The following SDHAF4 variants were observed in gnomAD, a reference collection of about 807,000 sequenced individuals.
The protein encoded by SDHAF4 is succinate dehydrogenase complex assembly factor 4.
Under a neutral mutation model 14.3 loss-of-function variants are expected in SDHAF4, and 14 were observed. The observed-to-expected ratio is 0.98, with a 90% CI of 0.65 to 1.53. The LOEUF (loss-of-function observed/expected upper bound fraction) is 1.53. Among genes scored for constraint, SDHAF4 ranks in the 40% most tolerant of loss-of-function variants. SDHAF4 has a pLI of 0.00. For synonymous variants in SDHAF4, 63 were observed against 47.3 expected (o/e 1.33, Z -1.36); for missense variants, 141 against 129.3 (o/e 1.09, Z -0.44).
chr6:70,593,132 C>G (rs1050796555), downstream of SDHAF4, among the ~76,000 whole-genome samples: 3 of 152,224 alleles, frequency 2.0e-5, no homozygotes, highest in African/African-American at 7.2e-5. Flanking sequence ...CCAAAAGGTC[C>G]AAGTTGTAAA....
intron 1 of SDHAF4, among the ~76,000 whole-genome samples, chr6:70,572,058 CTTTTTTTT>C (rs66688860): frequency 1.1e-4 from 6 of 53,506 alleles, no homozygotes; most frequent in Admixed American, 3.0e-4. Flanking sequence ...CTTTTTTTGT[CTTTTTTTT>C]TTTTTTTTTT....
chr6:70,574,028 A>G (rs1802219185), intron 1 of SDHAF4, among the ~76,000 whole-genome samples: 1 of 149,620 alleles, frequency 6.7e-6, no homozygotes, highest in Non-Finnish European at 1.5e-5. Context: ...ATGATGAAAA[A>G]TGATTAGGCT....
chr6:70,595,404 G>A, the SDHAF4 span, among the ~76,000 whole-genome samples: 1 of 152,190 alleles, frequency 6.6e-6, no homozygotes, highest in Non-Finnish European at 1.5e-5. Flanking sequence ...TAACTAGTGT[G>A]TAATTAGGAC....
chr6:70,569,667 A>G (rs560120014), intron 1 of SDHAF4, among the ~76,000 whole-genome samples: 2 of 152,384 alleles, frequency 1.3e-5, no homozygotes, highest in South Asian at 2.1e-4. Context: ...GCTAGGCAGA[A>G]TAGAATAACG....
At chr6:70,572,587 T>C (rs951902901) in intron 1 of SDHAF4, among the ~76,000 whole-genome samples, 1 of 152,198 alleles carries the variant, frequency 6.6e-6, no homozygotes, top group Admixed American at 6.5e-5. Flanking sequence ...AAGTTATTTT[T>C]ACATTGTAAA....
In SDHAF4 at chr6:70,579,489, C is replaced by G; in HGVS notation, c.140C>G (p.Ser47Cys). 6.2e-7 allele frequency: 1 copy of G among 1,611,858 alleles called. No homozygotes were observed. The highest frequency in any genetic ancestry group is 8.5e-7 in the Non-Finnish European group (1 of 1,178,798). ...GGAAAGTCTGAACTTGTCAAACAGTCCCTTAAGAAGCCGAAGTTACCAGAA... is the reference window on the plus strand; with the variant it reads ...GGAAAGTCTGAACTTGTCAAACAGTGCCTTAAGAAGCCGAAGTTACCAGAA... The part of the protein sequence containing the change: ...QGGKSELVKQ[S>C]LKKPKLPEGR... The change falls in exon 2 of 3, where the codon TCC (serine) becomes TGC (cysteine). Residue 47 changes from serine to cysteine, a missense_variant. Coordinates refer to ENST00000370474, the MANE Select transcript of SDHAF4 (RefSeq NM_145267.3).
Position 70,579,556 on chromosome 6 carries a change from AC to A in SDHAF4, c.209del (p.Pro70HisfsTer12). 6.2e-7 allele frequency: 1 copy of A among 1,600,382 alleles called. No individual in the cohort carries two copies. Among genetic ancestry groups the A allele is most frequent in the Non-Finnish European group, 8.5e-7 (1 of 1,173,138 alleles). On this transcript the variant is annotated frameshift_variant, in exon 2 of 3. Transcript: ENST00000370474. LOFTEE classifies it high-confidence loss of function. ...APEDSHLEKE[P>X]LEKFPDDVNP... The stretch of plus-strand genomic sequence containing the variant: ...CAGAGGATTCCCATTTAGAGAAAGA[AC>A]CACTGGAAAGTAAGTATAATAAAGC...
chr6:70,578,201 C>T lies in SDHAF4; in HGVS notation c.65-1213C>T, dbSNP rs190202576. ...GATACATTCCCACTAGCAGTGTATACGCATTCCCTCTTCTCTACAGCCTCA... is the reference window on the plus strand; with the variant it reads ...GATACATTCCCACTAGCAGTGTATATGCATTCCCTCTTCTCTACAGCCTCA... On this transcript the variant is annotated intron_variant, in intron 1 of 2. Coordinates refer to ENST00000370474, the MANE Select transcript of SDHAF4 (RefSeq NM_145267.3). Among the ~76,000 whole-genome samples, 25 of 152,242 alleles carry T rather than the reference C, an allele frequency of 1.6e-4. No individual in the cohort carries two copies. In the East Asian group the frequency reaches 3.3e-3, roughly 20 times the overall value.
chr6:70,570,958 A>G (rs1290650299), intron 1 of SDHAF4, among the ~76,000 whole-genome samples: 3 of 152,126 alleles, frequency 2.0e-5, no homozygotes, highest in Non-Finnish European at 4.4e-5. Flanking sequence ...TTAATGATCC[A>G]TAACTGTGGG....
At chr6:70,591,576 G>A (rs984282748), downstream of SDHAF4, among the ~76,000 whole-genome samples, 6 of 152,124 alleles carry the variant, frequency 3.9e-5, no homozygotes, top group East Asian at 7.7e-4. Flanking sequence ...TGATCTGCCC[G>A]CCTCAGCCTC....
rs1140297 is a variant in SDHAF4, at chr6:70,589,348, T to C, written c.*624T>C. ...GCCTGGCTAATTTTTGTATTTTTAG[T>C]AAAGACAAGGTTTCACCATGTTAGC... On this transcript the variant is annotated 3_prime_UTR_variant, in exon 3 of 3. Transcript: ENST00000370474. 66,521 of 151,436 alleles carry C rather than the reference T, an allele frequency of 0.44. 15,163 individuals are homozygous for C. Among genetic ancestry groups the C allele is most frequent in the Middle Eastern group, 0.55 (161 of 294 alleles). The allele number at this position is 151,436 out of a possible 1,614,324, so 9.4% of individuals were successfully genotyped here. A position where few individuals can be genotyped will look rare whatever the true frequency, so the allele number is the denominator to read the frequency against.
Position 70,588,855 on chromosome 6 carries a change from A to G in SDHAF4, c.*131A>G, listed in dbSNP as rs1765232901. ...ATAATGTGTTTAAATATATATATAT[A>G]TGATGGCTTTGGAAGAAAATATGCT... On this transcript the variant is annotated 3_prime_UTR_variant, in exon 3 of 3. Transcript: ENST00000370474. 3.1e-6 allele frequency: 1 copy of G among 325,596 alleles called. No homozygotes were observed. Among genetic ancestry groups the G allele is most frequent in the Non-Finnish European group, 5.7e-6 (1 of 175,688 alleles). 20.2% of individuals were successfully genotyped at this position (325,596 alleles called of 1,614,324 possible).
At chr6:70,582,221 C>G (rs1278359247) in intron 2 of SDHAF4, among the ~76,000 whole-genome samples, 2 of 151,990 alleles carry the variant, frequency 1.3e-5, no homozygotes, top group Non-Finnish European at 2.9e-5. Flanking sequence ...ACCACCACAC[C>G]TGGCTAATTT....
In SDHAF4 at chr6:70,589,261, G is replaced by T. The variant is rs1353166380; in HGVS notation, c.*537G>T. ...CTCACTGCAACTTCCGCCCCGCCAG[G>T]TTCAAGCAATTCTCCTGCCTCAGCC... On this transcript the variant is annotated 3_prime_UTR_variant, in exon 3 of 3. Coordinates refer to ENST00000370474, the MANE Select transcript of SDHAF4 (RefSeq NM_145267.3). The T allele has an allele frequency of 1.3e-5, 2 of 151,870 alleles. No homozygotes were observed. Among genetic ancestry groups the T allele is most frequent in the Non-Finnish European group, 2.9e-5 (2 of 68,012 alleles). The allele number at this position is 151,870 out of a possible 1,614,324, so 9.4% of individuals were successfully genotyped here.
downstream of SDHAF4, among the ~76,000 whole-genome samples, chr6:70,591,804 G>A (rs1046140004): frequency 1.3e-4 from 20 of 152,166 alleles, no homozygotes; most frequent in African/African-American, 3.4e-4. Context: ...AAAATTTGTC[G>A]CCTCCAAAAC....
Sources: gnomAD v4.1 joint callset for allele counts (sites outside exome capture counted in the v4.1 genomes callset) on GRCh38, gnomAD v4.1.1 for gene constraint, MANE v1.5 for transcripts, NCBI Gene and HGNC (gene_info 2026-07-23, HGNC 2026-07-21) for gene names.